The following MTIF3 variants were observed in gnomAD, a reference collection of about 807,000 sequenced individuals.
MTIF3 encodes the protein mitochondrial translational initiation factor 3.
In MTIF3, 13 loss-of-function variants were observed where a neutral mutation model predicts 20.7. That is an observed-to-expected ratio of 0.63 (90% CI 0.41 to 1.00). The LOEUF is 1.00. MTIF3 is among the 50% of genes least tolerant of loss of function. The probability of loss-of-function intolerance (pLI) is 0.00; values close to 1 mark genes in which losing one functional copy is unlikely to be tolerated. For synonymous variants in MTIF3, 114 were observed against 112.5 expected (o/e 1.01, Z -0.08); for missense variants, 295 against 324.5 (o/e 0.91, Z 0.70).
chr13:27,448,734 CTG>C (rs1277100839), intron 1 of MTIF3, among the ~76,000 whole-genome samples: 2 of 152,322 alleles, frequency 1.3e-5, no homozygotes, highest in South Asian at 2.1e-4. Flanking sequence ...GCTAAAGACT[CTG>C]TATTAAAAAC....
In MTIF3 at chr13:27,440,435, A is replaced by G; in HGVS notation, c.14T>C (p.Phe5Ser). Residue 5 changes from phenylalanine to serine, a missense_variant, in exon 3 of 5, where the codon TTT becomes TCT. Phe to Ser is a radical substitution (Grantham distance 155). Transcript: ENST00000381120. ...AGTTTGTAGTGTTAACCTCTTTAGA[A>G]AAAGAGCAGCCATCCTAAGAAAGTA... MAALFLKRLTLQTVK... is the reference protein window; with the variant it reads MAALSLKRLTLQTVK... 6.2e-7 allele frequency: 1 copy of G among 1,602,554 alleles called. No individual in the cohort carries two copies.
At chr13:27,441,794 G>A (rs1380253249) in intron 2 of MTIF3, among the ~76,000 whole-genome samples, 1 of 152,172 alleles carries the variant, frequency 6.6e-6, no homozygotes, top group Non-Finnish European at 1.5e-5. Flanking sequence ...GGTGTCTTCA[G>A]GGTGCTTCTC....
chr13:27,444,695 A>G (rs893786405), intron 2 of MTIF3, among the ~76,000 whole-genome samples: 3 of 152,158 alleles, frequency 2.0e-5, no homozygotes, highest in African/African-American at 7.2e-5. Context: ...CCCCCCAACC[A>G]TCCAGGAATG....
intron 4 of MTIF3, among the ~76,000 whole-genome samples, chr13:27,436,518 C>A (rs917153794): frequency 3.9e-5 from 6 of 151,900 alleles, no homozygotes; most frequent in Admixed American, 3.9e-4. Context: ...AAAGAAGAAA[C>A]AAAAAATCTA....
chr13:27,444,879 T>C (rs1190980685), intron 2 of MTIF3, among the ~76,000 whole-genome samples: 2 of 152,228 alleles, frequency 1.3e-5, no homozygotes, highest in South Asian at 2.1e-4. Context: ...TTACATGTCA[T>C]TTACAGTTTG....
chr13:27,449,110 C>G (rs995165820), intron 1 of MTIF3, among the ~76,000 whole-genome samples: 2 of 152,176 alleles, frequency 1.3e-5, no homozygotes, highest in Non-Finnish European at 2.9e-5. Flanking sequence ...TCTTCCAGAA[C>G]TCTAGTGATG....
Position 27,437,205 on chromosome 13 carries a change from T to C in MTIF3, c.529A>G (p.Lys177Glu). Residue 177 changes from lysine (K) to glutamate (E), a missense_variant, in exon 4 of 5, where the codon AAA (lysine) becomes GAA (glutamate). By Grantham distance (56) the Lys-to-Glu change is moderately conservative. Transcript: ENST00000381120. The part of the protein sequence containing the change: ...IGQHDLDTKT[K>E]QIQQWIKKKH... ...TTCTTAATCCACTGCTGAATCTGTT[T>C]AGTCTTTGTGTCCAAATCATGTTGT... 6.2e-7 allele frequency: 1 copy of C among 1,614,128 alleles called. No individual in the cohort carries two copies. Among genetic ancestry groups the C allele is most frequent in the Non-Finnish European group, 8.5e-7 (1 of 1,180,004 alleles).
In MTIF3 at chr13:27,449,056, A is replaced by T. The variant is rs187936675; in HGVS notation, c.-71+1453T>A. Among the ~76,000 whole-genome samples the T allele has an allele frequency of 3.0e-3, 451 of 151,924 alleles. 2 individuals are homozygous for T. Among genetic ancestry groups the T allele is most frequent in the African/African-American group, 0.01 (415 of 41,440 alleles). ...CAACAGGGTGAGACTCTCAAAAAAA[A>T]TTTTTTTTTAACTTATTCTCCTATG... is the stretch of plus-strand genomic sequence containing the variant. On this transcript the variant is annotated intron_variant, in intron 1 of 4. Transcript: ENST00000381120.
rs368831770 is a variant in MTIF3 at position 27,446,601 on chromosome 13, A to T, written c.-70-1445T>A. Among the ~76,000 whole-genome samples, 19 of 152,378 alleles carry T rather than the reference A, an allele frequency of 1.2e-4. No homozygotes were observed. In the East Asian group the frequency reaches 2.5e-3, roughly 20 times the overall value. Reference sequence around the variant, plus strand: ...GTTCACTGGTAATGCCAATGTAACTATTCTAGTCTGTGTAAGTTCTAAATT... The same window carrying T: ...GTTCACTGGTAATGCCAATGTAACTTTTCTAGTCTGTGTAAGTTCTAAATT... On this transcript the variant is annotated intron_variant, in intron 1 of 4. Coordinates refer to ENST00000381120, the MANE Select transcript of MTIF3 (RefSeq NM_152912.5).
At chr13:27,445,625 C>T (rs73438739) in intron 1 of MTIF3, among the ~76,000 whole-genome samples, 48 of 152,314 alleles carry the variant, frequency 3.2e-4, no homozygotes, top group African/African-American at 9.1e-4. Flanking sequence ...AGACAGCTGT[C>T]TGTCATCCTA....
At position 27,440,100 on chromosome 13, in the gene MTIF3, C is replaced by A. The variant is rs752027087; in HGVS notation, c.349G>T (p.Val117Phe). 1.2e-6 allele frequency: 2 copies of A among 1,614,192 alleles called. No homozygotes were observed. Among genetic ancestry groups the A allele is most frequent in the South Asian group, 1.1e-5 (1 of 91,086 alleles). ...GGTTCTGTGCTGGTGTTCCTTTGAA[C>A]CAGTCGCAGGTCTCGCTCATCCATA... ...RLMDERDLRL[V>F]QRNTSTEPAE... The change falls in exon 3 of 5, where the codon GTT (valine) becomes TTT (phenylalanine). Residue 117 changes from valine (V) to phenylalanine (F), a missense_variant. By Grantham distance (50) the Val-to-Phe change is conservative. Transcript: ENST00000381120.
intron 3 of MTIF3, among the ~76,000 whole-genome samples, chr13:27,437,641 G>C (rs1326590782): frequency 6.6e-6 from 1 of 152,142 alleles, no homozygotes; most frequent in Non-Finnish European, 1.5e-5. Flanking sequence ...CTTTTGAGAT[G>C]CTCTCCTTGC....
At chr13:27,447,889 G>A (rs111705867) in intron 1 of MTIF3, among the ~76,000 whole-genome samples, 7 of 87,788 alleles carry the variant, frequency 8.0e-5, no homozygotes, top group African/African-American at 2.6e-4. Context: ...TGAATATATC[G>A]CAGTTTTTAA....
At chr13:27,437,046 T>A in intron 4 of MTIF3, 70 bp downstream of exon 4, 1 of 1,531,546 alleles carries the variant, frequency 6.5e-7, no homozygotes, top group South Asian at 1.2e-5. Context: ...CCACCGCGCC[T>A]GGCCTACAAT....
rs978719712 is a variant in MTIF3 at position 27,439,918 on chromosome 13, C to T, written c.460+71G>A. ...TTCCCTCTTGTCACAGGCACCTTGACAAATGCTAGAATTTAAACTGCTGAT... is the reference window on the plus strand; with the variant it reads ...TTCCCTCTTGTCACAGGCACCTTGATAAATGCTAGAATTTAAACTGCTGAT... On this transcript the variant is annotated intron_variant, in intron 3 of 4. Coordinates refer to ENST00000381120, the MANE Select transcript of MTIF3 (RefSeq NM_152912.5). 3 of 1,379,638 alleles carry T rather than the reference C, an allele frequency of 2.2e-6. No homozygotes were observed. In the African/African-American group the frequency reaches 4.3e-5, roughly 20 times the overall value. The allele number at this position is 1,379,638 out of a possible 1,614,324, so 85.5% of individuals were successfully genotyped here. A position where few individuals can be genotyped will look rare whatever the true frequency, so the allele number is the denominator to read the frequency against.
rs998669242 is a variant in MTIF3 at position 27,435,792 on chromosome 13, A to G, written c.720T>C (p.Leu240=). The G allele has an allele frequency of 8.1e-6, 13 of 1,614,086 alleles. No individual in the cohort carries two copies. The highest frequency in any genetic ancestry group is 1.1e-5 in the Non-Finnish European group (13 of 1,180,042). The change falls in exon 5 of 5, where the codon CTT becomes CTC. Residue 240 remains leucine, a synonymous_variant. Transcript: ENST00000381120. ...TCTCCTCATTTTTGCTGAAAGCACG[A>G]AGAACACACATTAAAGCTTTTCCTC... ...VQGGKALMCV[L]RAFSKNEEKA...
chr13:27,443,862 A>C (rs1316129655), intron 2 of MTIF3, among the ~76,000 whole-genome samples: 1 of 152,198 alleles, frequency 6.6e-6, no homozygotes, highest in Non-Finnish European at 1.5e-5. Context: ...GTATTTCTCA[A>C]GTTTTTTTAT....
At chr13:27,436,252 T>C (rs57724994) in intron 4 of MTIF3, among the ~76,000 whole-genome samples, 34,463 of 151,974 alleles carry the variant, frequency 0.23, 4,158 homozygotes, top group African/African-American at 0.3. Context: ...GCACTCTCTA[T>C]TGCCCCTAAC....
At chr13:27,439,966 G>A (rs1373487752) in intron 3 of MTIF3, 23 bp downstream of exon 3, 13 of 1,601,644 alleles carry the variant, frequency 8.1e-6, no homozygotes, top group Non-Finnish European at 1.1e-5. Flanking sequence ...AAGGATTCAG[G>A]GAGCCAACAG....
Sources: allele counts gnomAD v4.1 joint callset (sites outside exome capture counted in the v4.1 genomes callset), GRCh38; gene constraint gnomAD v4.1.1; transcripts MANE v1.5; gene names NCBI Gene and HGNC (gene_info 2026-07-23, HGNC 2026-07-21).